The following DENND3 variants were observed in gnomAD, a reference collection of about 807,000 sequenced individuals.
DENND3 encodes the protein DENN domain-containing protein 3.
In DENND3, 88 loss-of-function variants were observed where a neutral mutation model predicts 135.1. The observed-to-expected ratio is 0.65, with a 90% CI of 0.55 to 0.78. The LOEUF is 0.78. DENND3 is among the 30% of genes least tolerant of loss of function. The pLI is 0.00. For missense variants in DENND3, 1,392 were observed against 1,688.4 expected, an observed-to-expected ratio of 0.82 and a Z score of 3.08; for synonymous variants, 693 against 712.3, an observed-to-expected ratio of 0.97 and a Z score of 0.43.
Position 141,166,630 on chromosome 8 carries a change from C to T in DENND3, c.1753+241C>T, listed in dbSNP as rs769894025. Among the ~76,000 whole-genome samples, 4 of 152,218 alleles carry T rather than the reference C, an allele frequency of 2.6e-5. No homozygotes were observed. Among genetic ancestry groups the T allele is most frequent in the African/African-American group, 4.8e-5 (2 of 41,460 alleles). ...AAGATAACGGGGGCTCGGCATGGTT[C>T]GGCATCCTTCACAGGTGTAGGCTGT... On this transcript the variant is annotated intron_variant, in intron 12 of 22. Transcript: ENST00000519811. The surrounding 1 kb of genome is among the most constrained non-coding windows in gnomAD (Gnocchi z 4.3).
At position 141,141,450 on chromosome 8, in the gene DENND3, G is replaced by A. The variant is rs1184827325; in HGVS notation, c.623+126G>A. On this transcript the variant is annotated intron_variant, in intron 4 of 22. Transcript: ENST00000519811. The surrounding 1 kb of genome is among the most constrained non-coding windows in gnomAD (Gnocchi z 5.3). ...CTCTCTGTTCCTCTCCTGGTGAGCC[G>A]GGGGACCGGGCGCTGGGGGCAGTAG... 68 of 1,212,874 alleles carry A rather than the reference G, an allele frequency of 5.6e-5. 1 individual carries two copies. The Middle Eastern group carries it at 1.4e-3, about 25-fold the overall frequency. The allele number at this position is 1,212,874 out of a possible 1,614,324, so 75.1% of individuals were successfully genotyped here. A position where few individuals can be genotyped will look rare whatever the true frequency, so the allele number is the denominator to read the frequency against.
chr8:141,136,810 C>A lies in DENND3; in HGVS notation c.385+19C>A. ...TTCCCAGGTATGTCTAGGAGGTGGG[C>A]ACCACTGGGCGCCTCCTGCTGCCGG... On this transcript the variant is annotated intron_variant, in intron 2 of 22. Transcript: ENST00000519811. 1 of 1,525,858 alleles carries A rather than the reference C, an allele frequency of 6.6e-7. No homozygotes were observed. The highest frequency in any genetic ancestry group is 1.2e-5 in the South Asian group (1 of 80,426). 94.5% of individuals were successfully genotyped at this position (1,525,858 alleles called of 1,614,324 possible).
Position 141,175,516 on chromosome 8 carries a change from G to T in DENND3, c.2535+57G>T, listed in dbSNP as rs760828697. 2.0e-5 allele frequency: 33 copies of T among 1,612,068 alleles called. No homozygotes were observed. In the Admixed American group the frequency reaches 5.5e-4, roughly 27 times the overall value. Reference sequence around the variant, plus strand: ...CCCACCTGTGTTTAGGAGACAGATGGCTGGAGTGGGCCCTGAGCAGTCTGC... The same window carrying T: ...CCCACCTGTGTTTAGGAGACAGATGTCTGGAGTGGGCCCTGAGCAGTCTGC... On this transcript the variant is annotated intron_variant, in intron 14 of 22. Transcript: ENST00000519811. This position sits in a 1 kb window ranked among gnomAD's most constrained non-coding sequence, Gnocchi z 5.4.
rs1223051722 is a variant in DENND3, at chr8:141,137,541, T to A, written c.386-481T>A. Among the ~76,000 whole-genome samples, 6 of 152,192 alleles carry A rather than the reference T, an allele frequency of 3.9e-5. No individual in the cohort carries two copies. On this transcript the variant is annotated intron_variant, in intron 2 of 22. Transcript: ENST00000519811. This position sits in a 1 kb window ranked among gnomAD's most constrained non-coding sequence, Gnocchi z 4.1. ...CTCCCTTCCACCTCCCGTTTTCCGT[T>A]TCACTGGGGCAAGAAGCACAGGCCT...
chr8:141,178,227 T>C, intron 16 of DENND3, 31 bp downstream of exon 16: 1 of 1,587,864 alleles, frequency 6.3e-7, no homozygotes, highest in Non-Finnish European at 8.6e-7. Flanking sequence ...GCGTGGATCA[T>C]TGTCCTGATT....
intron 6 of DENND3, 128 bp downstream of exon 6, chr8:141,151,081 T>C: frequency 7.6e-7 from 1 of 1,309,514 alleles, no homozygotes; most frequent in South Asian, 2.0e-5. Context: ...TCGAAATGTT[T>C]ATTATTATTT....
In DENND3 at chr8:141,194,615, T is replaced by C. The variant is rs777327906; in HGVS notation, c.*382T>C. ...GACCCGTGGCCCTCACGTCTCTGGT[T>C]TTACCTTTCCTTACTTCATTCATTC... On this transcript the variant is annotated 3_prime_UTR_variant, in exon 23 of 23. Transcript: ENST00000519811. The C allele has an allele frequency of 4.5e-6, 1 of 223,708 alleles. No individual in the cohort carries two copies. The highest frequency in any genetic ancestry group is 6.4e-5 in the South Asian group (1 of 15,734). 13.9% of individuals were successfully genotyped at this position (223,708 alleles called of 1,614,324 possible). A position where few individuals can be genotyped will look rare whatever the true frequency, so the allele number is the denominator to read the frequency against.
Position 141,190,970 on chromosome 8 carries a change from C to T in DENND3, c.3379+553C>T, listed in dbSNP as rs188251586. ...GGACGCCCCAGAGCACAGAAGTTGC[C>T]GGCACTTTGAGGTCTTCCTCGGCAT... On this transcript the variant is annotated intron_variant, in intron 20 of 22. Transcript: ENST00000519811. Among the ~76,000 whole-genome samples the T allele has an allele frequency of 4.5e-3, 679 of 152,350 alleles. 22 individuals carry two copies. The highest frequency in any genetic ancestry group is 0.039 in the Admixed American group (592 of 15,314).
Position 141,163,398 on chromosome 8 carries a change from G to A in DENND3, c.1418G>A (p.Arg473Lys). Residue 473 changes from arginine to lysine, a missense_variant, in exon 10 of 23, where the codon AGG (arginine) becomes AAG (lysine). Arg to Lys is a conservative substitution (Grantham distance 26, BLOSUM62 2). Coordinates refer to ENST00000519811, the MANE Select transcript of DENND3 (RefSeq NM_001352890.3). ...AATAGTGAAGAATTTCTCAAAACCA[G>A]GGCTCCAGGGGACCATCAGTTTTAT... is the stretch of plus-strand genomic sequence containing the variant. ...VFNSEEFLKTRAPGDHQFYKQ... is the reference protein window; with the variant it reads ...VFNSEEFLKTKAPGDHQFYKQ... 6.2e-7 allele frequency: 1 copy of A among 1,613,156 alleles called. No homozygotes were observed. The highest frequency in any genetic ancestry group is 1.3e-5 in the African/African-American group (1 of 75,012).
At chr8:141,133,389 C>T (rs1816385750) in intron 1 of DENND3, among the ~76,000 whole-genome samples, 1 of 152,154 alleles carries the variant, frequency 6.6e-6, no homozygotes, top group Non-Finnish European at 1.5e-5. Flanking sequence ...TCTTTGCTTT[C>T]TTCAATGTGG....
chr8:141,149,031 C>T (rs1818476978), intron 5 of DENND3, among the ~76,000 whole-genome samples: 1 of 152,038 alleles, frequency 6.6e-6, no homozygotes, highest in African/African-American at 2.4e-5. Flanking sequence ...CTGCCTCAAC[C>T]TCCCGAGTAG....
chr8:141,169,528 C>T (rs1022696923), intron 13 of DENND3, among the ~76,000 whole-genome samples: 2 of 152,228 alleles, frequency 1.3e-5, no homozygotes, highest in Admixed American at 6.5e-5. Context: ...CAGGGTCCTG[C>T]GCCCAGACTA....
chr8:141,158,230 C>T, intron 8 of DENND3: 1 of 1,289,740 alleles, frequency 7.8e-7, no homozygotes, highest in South Asian at 1.2e-5. Flanking sequence ...TGGCAACTGT[C>T]CTCTGCGCGA....
chr8:141,169,762 G>A (rs1375162430), intron 13 of DENND3, among the ~76,000 whole-genome samples: 1 of 152,254 alleles, frequency 6.6e-6, no homozygotes, highest in Admixed American at 6.5e-5. Context: ...TTGTCACACC[G>A]TATGTCTGAG....
chr8:141,192,689 A>G (rs753091028), intron 22 of DENND3, 26 bp downstream of exon 22: 3 of 1,605,876 alleles, frequency 1.9e-6, no homozygotes, highest in Non-Finnish European at 2.6e-6. Context: ...CGCCATCCCC[A>G]GCATCCCCGG....
rs1823234648 is a variant in DENND3, at chr8:141,182,218, A to G, written c.2944+1364A>G. Reference sequence around the variant, plus strand: ...TCACAGGCCATGTCCGCGGCTTCACAGAGCACCTGGCCATTCACACACGGA... The same window carrying G: ...TCACAGGCCATGTCCGCGGCTTCACGGAGCACCTGGCCATTCACACACGGA... On this transcript the variant is annotated intron_variant, in intron 17 of 22. Coordinates refer to ENST00000519811, the MANE Select transcript of DENND3 (RefSeq NM_001352890.3). This position sits in a 1 kb window ranked among gnomAD's most constrained non-coding sequence, Gnocchi z 5.9. 1.2e-6 allele frequency: 1 copy of G among 810,636 alleles called. No individual in the cohort carries two copies. 50.2% of individuals were successfully genotyped at this position (810,636 alleles called of 1,614,324 possible). A position where few individuals can be genotyped will look rare whatever the true frequency, so the allele number is the denominator to read the frequency against.
At chr8:141,184,996 TG>T in intron 17 of DENND3, 142 bp from the exon 18 acceptor site, 1 of 1,075,988 alleles carries the variant, frequency 9.3e-7, no homozygotes, top group Non-Finnish European at 1.3e-6. Flanking sequence ...AGCCTCTGCC[TG>T]GGCACGTCTT....
chr8:141,194,185 T>G lies in DENND3; in HGVS notation c.3789T>G (p.Ser1263Arg). The change falls in exon 23 of 23, where the codon AGT (serine) becomes AGG (arginine). Residue 1263 changes from serine (S) to arginine (R), a missense_variant. Ser to Arg is a moderately radical substitution (Grantham distance 110). Transcript: ENST00000519811. ...CGGCTGAGGACAGATACGTGCTGAG[T>G]GGGTCGGGCAGGGAGGAGGGGAAAG... The part of the protein sequence containing the change: ...LCSAEDRYVL[S>R]GSGREEGKVA... The G allele has an allele frequency of 6.2e-7, 1 of 1,612,836 alleles. No homozygotes were observed. Among genetic ancestry groups the G allele is most frequent in the Non-Finnish European group, 8.5e-7 (1 of 1,179,750 alleles).
At position 141,136,509 on chromosome 8, in the gene DENND3, G is replaced by T. The variant is rs1363803364; in HGVS notation, c.103G>T (p.Val35Phe). Residue 35 changes from valine (V) to phenylalanine (F), a missense_variant and splice_region_variant, in exon 2 of 23, where the codon GTT becomes TTT. Transcript: ENST00000519811. The part of the protein sequence containing the change: ...PRDSLRSLEQ[V>F]AYKKGVKHLS... ...TAACTCTTATTTTTCCCTTTTTTAG[G>T]TTGCTTATAAAAAGGGAGTCAAACA... The T allele has an allele frequency of 6.5e-7, 1 of 1,539,948 alleles. No individual in the cohort carries two copies. The highest frequency in any genetic ancestry group is 1.4e-5 in the African/African-American group (1 of 72,562).
Sources: gnomAD v4.1 joint callset for allele counts (sites outside exome capture counted in the v4.1 genomes callset) on GRCh38, gnomAD v4.1.1 for gene constraint, Gnocchi (gnomAD v3.1) non-coding constraint, MANE v1.5 for transcripts, NCBI Gene and HGNC (gene_info 2026-07-23, HGNC 2026-07-21) for gene names.